CACNB1: variants seen among roughly 807,000 people sequenced by gnomAD.
CACNB1 encodes the protein calcium voltage-gated channel auxiliary subunit beta 1, also known as voltage-dependent L-type calcium channel subunit beta-1.
CACNB1 carries 29 observed loss-of-function variants against 71.6 expected under a neutral mutation model. The observed-to-expected ratio is 0.40, with a 90% CI of 0.30 to 0.55. The LOEUF is 0.55. Ranked by LOEUF, CACNB1 falls within the 20% of genes least tolerant of loss-of-function variation. CACNB1 has a pLI of 0.38. For synonymous variants in CACNB1, 300 were observed against 319.6 expected, an observed-to-expected ratio of 0.94 and a Z score of 0.65; for missense variants, 623 against 801.8, an observed-to-expected ratio of 0.78 and a Z score of 2.69.
In CACNB1 at chr17:39,186,535, C is replaced by T. The variant is rs1268992393; in HGVS notation, c.589G>A (p.Val197Met). 3 of 1,613,768 alleles carry T rather than the reference C, an allele frequency of 1.9e-6. No homozygotes were observed. Among genetic ancestry groups the T allele is most frequent in the African/African-American group, 1.3e-5 (1 of 75,032 alleles). Residue 197 changes from valine (V) to methionine (M), a missense_variant, in exon 6 of 14, where the codon GTG (valine) becomes ATG (methionine). By Grantham distance (21) the Val-to-Met change is conservative. Coordinates refer to ENST00000394303, the MANE Select transcript of CACNB1 (RefSeq NM_000723.5). This position sits in a 1 kb window ranked among gnomAD's most constrained non-coding sequence, Gnocchi z 4.1. ...GDNSSSSLGDVVTGTRRPTPP... is the reference protein window; with the variant it reads ...GDNSSSSLGDMVTGTRRPTPP... ...GTGGGGCGGCGGGTGCCAGTCACCACATCTCCCAGACTGGAACTGGAGTTA... is the reference window on the plus strand; with the variant it reads ...GTGGGGCGGCGGGTGCCAGTCACCATATCTCCCAGACTGGAACTGGAGTTA...
rs1253551583 is a variant in CACNB1, at chr17:39,187,490, G to A, written c.403C>T (p.His135Tyr). ...AITFEPKDFL[H>Y]IKEKYNNDWW... is the part of the protein sequence containing the mutation. ...CTCCAGATACCCACCTCCTTGATGT[G>A]CAGGAAGTCTTTGGGCTCGAAGGTG... The change falls in exon 4 of 14, where the codon CAC becomes TAC. Residue 135 changes from histidine to tyrosine, a missense_variant. By Grantham distance (83) the His-to-Tyr change is moderately conservative (BLOSUM62 2). Coordinates refer to ENST00000394303, the MANE Select transcript of CACNB1 (RefSeq NM_000723.5). 6.2e-7 allele frequency: 1 copy of A among 1,613,886 alleles called. No homozygotes were observed. The highest frequency in any genetic ancestry group is 8.5e-7 in the Non-Finnish European group (1 of 1,179,976).
Position 39,194,958 on chromosome 17 carries a change from T to C in CACNB1, c.97A>G (p.Lys33Glu), listed in dbSNP as rs1218583906. 1.9e-6 allele frequency: 3 copies of C among 1,611,930 alleles called. No homozygotes were observed. The highest frequency in any genetic ancestry group is 2.5e-6 in the Non-Finnish European group (3 of 1,178,484). Reference sequence around the variant, plus strand: ...GACCGTTTGAATCGCCCTTTCCTCTTGCTGTATTTGCCCTGAAGAGGCCAG... The same window carrying C: ...GACCGTTTGAATCGCCCTTTCCTCTCGCTGTATTTGCCCTGAAGAGGCCAG... ...FDPSPQGKYS[K>E]RKGRFKRSDG... The change falls in exon 2 of 14, where the codon AAG becomes GAG. Residue 33 changes from lysine to glutamate, a missense_variant. Lys to Glu is a moderately conservative substitution (Grantham distance 56, BLOSUM62 1). Coordinates refer to ENST00000394303, the MANE Select transcript of CACNB1 (RefSeq NM_000723.5). The surrounding 1 kb of genome is among the most constrained non-coding windows in gnomAD (Gnocchi z 4.6).
intron 2 of CACNB1, 63 bp from the exon 3 acceptor site, chr17:39,191,656 G>C: frequency 6.4e-7 from 1 of 1,562,744 alleles, no homozygotes; most frequent in Non-Finnish European, 8.7e-7. Context: ...GGCCTGGGAA[G>C]GCATGGAGGT....
In CACNB1 at chr17:39,183,337, A is replaced by AAG. The variant is rs1555581644; in HGVS notation, c.1050+375_1050+376insCT. 8.8e-3 allele frequency among the ~76,000 whole-genome samples: 1,152 copies of AAG among 130,298 alleles called. 19 individuals are homozygous for AAG. The highest frequency in any genetic ancestry group is 0.027 in the African/African-American group (1,087 of 39,672). 85.5% of individuals were successfully genotyped at this position (130,298 alleles called of 152,430 possible). A position where few individuals can be genotyped will look rare whatever the true frequency, so the allele number is the denominator to read the frequency against. ...ACAGAGCGAGATCCTGACTTAAAAA[A>AAG]AAGAAGAAGAAGAAGAAGAAGAAGA... On this transcript the variant is annotated intron_variant, in intron 11 of 13. Transcript: ENST00000394303.
intron 4 of CACNB1, 64 bp downstream of exon 4, chr17:39,187,415 C>T: frequency 6.3e-7 from 1 of 1,599,342 alleles, no homozygotes; most frequent in Non-Finnish European, 8.6e-7. Context: ...AGCCTTTTGT[C>T]CACTAGCACT....
chr17:39,173,771 G>C lies in CACNB1; in HGVS notation c.*1422C>G, dbSNP rs1046119541. 7.2e-5 allele frequency: 11 copies of C among 152,608 alleles called. No homozygotes were observed. The highest frequency in any genetic ancestry group is 1.6e-4 in the Non-Finnish European group (11 of 68,204). 9.5% of individuals were successfully genotyped at this position (152,608 alleles called of 1,614,324 possible). A position where few individuals can be genotyped will look rare whatever the true frequency, so the allele number is the denominator to read the frequency against. Reference sequence around the variant, plus strand: ...GCCTACGCTGACGACTATGTGGCGAGGACAAAGAAGCAGGCTTGGGAGGCA... The same window carrying C: ...GCCTACGCTGACGACTATGTGGCGACGACAAAGAAGCAGGCTTGGGAGGCA... On this transcript the variant is annotated 3_prime_UTR_variant, in exon 14 of 14. Coordinates refer to ENST00000394303, the MANE Select transcript of CACNB1 (RefSeq NM_000723.5).
At position 39,194,888 on chromosome 17, in the gene CACNB1, C is replaced by T. The variant is rs144778568; in HGVS notation, c.167G>A (p.Arg56His). 11 of 1,607,596 alleles carry T rather than the reference C, an allele frequency of 6.8e-6. No individual in the cohort carries two copies. Among genetic ancestry groups the T allele is most frequent in the Admixed American group, 3.4e-5 (2 of 59,682 alleles). Residue 56 changes from arginine (R) to histidine (H), a missense_variant, in exon 2 of 14, where the codon CGC becomes CAC. By Grantham distance (29) the Arg-to-His change is conservative. Transcript: ENST00000394303. The surrounding 1 kb of genome is among the most constrained non-coding windows in gnomAD (Gnocchi z 4.6). ...SSDTTSNSFVRQGSAESYTSR... is the reference protein window; with the variant it reads ...SSDTTSNSFVHQGSAESYTSR... ...TCCGCCCAGCCTCCCCATTACCTGGCGGACAAAGCTGTTGGATGTGGTATC... is the reference window on the plus strand; with the variant it reads ...TCCGCCCAGCCTCCCCATTACCTGGTGGACAAAGCTGTTGGATGTGGTATC...
chr17:39,196,076 C>T (rs537801267), intron 1 of CACNB1, among the ~76,000 whole-genome samples: 1 of 152,198 alleles, frequency 6.6e-6, no homozygotes, highest in Admixed American at 6.5e-5. Context: ...GCTCAGACTT[C>T]CAAGTCCCCG....
Position 39,186,465 on chromosome 17 carries a change from TC to T in CACNB1, c.628+30del. 1 of 1,578,188 alleles carries T rather than the reference TC, an allele frequency of 6.3e-7. No homozygotes were observed. The highest frequency in any genetic ancestry group is 8.7e-7 in the Non-Finnish European group (1 of 1,152,658). On this transcript the variant is annotated intron_variant, in intron 6 of 13. Coordinates refer to ENST00000394303, the MANE Select transcript of CACNB1 (RefSeq NM_000723.5). This position sits in a 1 kb window ranked among gnomAD's most constrained non-coding sequence, Gnocchi z 4.1. ...GAGACCACCCCACCCAGGAGCTTCTTCCCAAACCCCTGCATGGCGATGGCTC... is the reference window on the plus strand; with the variant it reads ...GAGACCACCCCACCCAGGAGCTTCTTCCAAACCCCTGCATGGCGATGGCTC...
Position 39,185,119 on chromosome 17 carries a change from T to C in CACNB1, c.648+12A>G, listed in dbSNP as rs765848512. On this transcript the variant is annotated intron_variant, in intron 7 of 13. Coordinates refer to ENST00000394303, the MANE Select transcript of CACNB1 (RefSeq NM_000723.5). Reference sequence around the variant, plus strand: ...GAGTGGGGAGGAGGACACAGAAAGCTGTGATACTCACCGACTTCTGCTTCT... The same window carrying C: ...GAGTGGGGAGGAGGACACAGAAAGCCGTGATACTCACCGACTTCTGCTTCT... The C allele has an allele frequency of 3.7e-6, 6 of 1,613,242 alleles. No homozygotes were observed. The highest frequency in any genetic ancestry group is 1.3e-5 in the African/African-American group (1 of 74,908).
At chr17:39,183,678 C>T (rs576217548) in intron 11 of CACNB1, 35 bp downstream of exon 11, 29 of 1,520,198 alleles carry the variant, frequency 1.9e-5, no homozygotes, top group Admixed American at 8.5e-5. Flanking sequence ...TTTCAAACCA[C>T]GCTGTCCTGG....
rs747065827 is a variant in CACNB1, at chr17:39,184,853, C to A, written c.660G>T (p.Val220=). The part of the protein sequence containing the change: ...AKQKQKSTEH[V]PPYDVVPSMR... Reference sequence around the variant, plus strand: ...TGGAAGGCACCACGTCATAGGGGGGCACATGCTCTGTCTGGGGGGGGAAGC... The same window carrying A: ...TGGAAGGCACCACGTCATAGGGGGGAACATGCTCTGTCTGGGGGGGGAAGC... The change falls in exon 8 of 14, where the codon GTG becomes GTT. Residue 220 remains valine (V), a synonymous_variant. Transcript: ENST00000394303. 3.7e-6 allele frequency: 6 copies of A among 1,604,300 alleles called. No individual in the cohort carries two copies. The highest frequency in any genetic ancestry group is 3.3e-4 in the Middle Eastern group (2 of 6,068).
In CACNB1 at chr17:39,175,343, C is replaced by T; in HGVS notation, c.1647G>A (p.Glu549=). 5 of 1,614,216 alleles carry T rather than the reference C, an allele frequency of 3.1e-6. No homozygotes were observed. Among genetic ancestry groups the T allele is most frequent in the South Asian group, 1.1e-5 (1 of 91,084 alleles). Reference sequence around the variant, plus strand: ...CTTCCTCATAGTCTTCTTCCTCGTCCTCCCAGGATCCCTGTCGGGCTGGGG... The same window carrying T: ...CTTCCTCATAGTCTTCTTCCTCGTCTTCCCAGGATCCCTGTCGGGCTGGGG... ...GTPPARQGSW[E]DEEEDYEEEL... is the part of the protein sequence containing the mutation. The change falls in exon 14 of 14, where the codon GAG becomes GAA. Residue 549 remains glutamate, a synonymous_variant. Transcript: ENST00000394303. The surrounding 1 kb of genome is among the most constrained non-coding windows in gnomAD (Gnocchi z 4.7).
chr17:39,178,384 T>G, intron 11 of CACNB1: 6 of 217,894 alleles, frequency 2.8e-5, no homozygotes, highest in East Asian at 1.0e-4. Context: ...CCTTTTTTTT[T>G]GTTTTTTTTT....
chr17:39,191,429 T>C (rs984111624), intron 3 of CACNB1, 45 bp downstream of exon 3: 2 of 1,563,614 alleles, frequency 1.3e-6, no homozygotes, highest in East Asian at 4.6e-5. Context: ...AGCCCAGGAC[T>C]GGGGGAAATC....
chr17:39,192,348 G>A (rs2046100714), intron 2 of CACNB1: 1 of 152,436 alleles, frequency 6.6e-6, no homozygotes, highest in African/African-American at 2.4e-5. Context: ...CAGAGCACAA[G>A]GGACTCCTTT....
intron 11 of CACNB1, 38 bp from the exon 12 acceptor site, chr17:39,178,117 G>T (rs745492155): frequency 1.3e-5 from 19 of 1,508,496 alleles, no homozygotes; most frequent in Non-Finnish European, 1.8e-5. Context: ...GGAGCTAGAG[G>T]GACTCAGGCA....
At chr17:39,187,986 C>T (rs2045981948) in intron 3 of CACNB1, among the ~76,000 whole-genome samples, 1 of 151,830 alleles carries the variant, frequency 6.6e-6, no homozygotes, top group Admixed American at 6.6e-5. Flanking sequence ...GCACTCAAGC[C>T]TGGGCAACAG....
chr17:39,179,282 A>G (rs1447461200), intron 11 of CACNB1, among the ~76,000 whole-genome samples: 1 of 113,666 alleles, frequency 8.8e-6, no homozygotes, highest in Admixed American at 8.0e-5. Context: ...CTCCGTCTCA[A>G]AAAAAAAAAA....
Sources: allele counts gnomAD v4.1 joint callset (sites outside exome capture counted in the v4.1 genomes callset), GRCh38; gene constraint gnomAD v4.1.1; non-coding constraint Gnocchi (gnomAD v3.1); transcripts MANE v1.5; gene names NCBI Gene and HGNC (gene_info 2026-07-23, HGNC 2026-07-21).